Variants in NR3C2 observed in about 807,000 individuals in gnomAD.
NR3C2 encodes the protein nuclear receptor subfamily 3 group C member 2.
Under a neutral mutation model 86.4 loss-of-function variants are expected in NR3C2, and 15 were observed. The ratio of observed to expected loss-of-function variants is 0.17; its 90% confidence interval spans 0.12 to 0.27. The LOEUF (loss-of-function observed/expected upper bound fraction) is 0.27, where lower values mean the gene tolerates loss of function less well. NR3C2 is among the 10% of genes least tolerant of loss of function. NR3C2 has a pLI of 1.00. For synonymous variants in NR3C2, 458 were observed against 450.5 expected (o/e 1.02, Z -0.21); for missense variants, 960 against 1,195.6 (o/e 0.80, Z 2.91).
chr4:148,217,922 T>A (rs1003422380), intron 3 of NR3C2, among the ~76,000 whole-genome samples: 2 of 152,232 alleles, frequency 1.3e-5, no homozygotes, highest in African/African-American at 4.8e-5. Context: ...AACAGTGGTA[T>A]CTTTGAACAT....
chr4:148,443,899 C>T, upstream of NR3C2: 1 of 706,666 alleles, frequency 1.4e-6, no homozygotes, highest in Non-Finnish European at 1.7e-6. Flanking sequence ...TCAGCCGCTC[C>T]AGTCAGGAAC....
chr4:148,350,996 T>C (rs887356950), intron 2 of NR3C2, among the ~76,000 whole-genome samples: 8 of 152,190 alleles, frequency 5.3e-5, no homozygotes, highest in Non-Finnish European at 7.3e-5. Flanking sequence ...TTTGAACATA[T>C]AGGTGTTCAA....
intron 2 of NR3C2, among the ~76,000 whole-genome samples, chr4:148,370,128 C>T (rs1746344078): frequency 2.6e-5 from 4 of 152,158 alleles, no homozygotes; most frequent in Admixed American, 2.6e-4. Context: ...AGGTGCAAGA[C>T]AACTGGCCAG....
chr4:148,175,655 C>G (rs1299475056), intron 4 of NR3C2, among the ~76,000 whole-genome samples: 1 of 152,044 alleles, frequency 6.6e-6, no homozygotes, highest in African/African-American at 2.4e-5. Context: ...GAAAATGTTT[C>G]CAACATGTCT....
intron 2 of NR3C2, among the ~76,000 whole-genome samples, chr4:148,321,751 T>G (rs1002049691): frequency 1.3e-5 from 2 of 152,204 alleles, no homozygotes; most frequent in African/African-American, 4.8e-5. Flanking sequence ...CTCCATCCTT[T>G]TATTTTGAGC....
chr4:148,207,495 CT>C (rs1304612917), intron 3 of NR3C2, among the ~76,000 whole-genome samples: 1 of 152,158 alleles, frequency 6.6e-6, no homozygotes, highest in Middle Eastern at 3.2e-3. Flanking sequence ...CTCTTTCTAT[CT>C]AAAAAATAGC....
At chr4:148,201,442 A>T (rs1736715655) in intron 3 of NR3C2, among the ~76,000 whole-genome samples, 2 of 152,158 alleles carry the variant, frequency 1.3e-5, no homozygotes, top group African/African-American at 4.8e-5. Context: ...ATTGCCATGT[A>T]TTGTTCCTAT....
intron 2 of NR3C2, among the ~76,000 whole-genome samples, chr4:148,311,556 A>C (rs1742900147): frequency 6.6e-6 from 1 of 152,230 alleles, no homozygotes; most frequent in Admixed American, 6.5e-5. Flanking sequence ...TCACCAAGTG[A>C]ATTACTGCCA....
Position 148,217,624 on chromosome 4 carries a change from T to C in NR3C2, c.1898-22762A>G, listed in dbSNP as rs3846308. Among the ~76,000 whole-genome samples the C allele has an allele frequency of 1.4e-3, 212 of 152,372 alleles. 1 individual carries two copies. Among genetic ancestry groups the C allele is most frequent in the African/African-American group, 4.7e-3 (196 of 41,580 alleles). On this transcript the variant is annotated intron_variant, in intron 3 of 8. Transcript: ENST00000358102. The stretch of plus-strand genomic sequence containing the variant: ...TTTTCTTTTTGCTGACCTATGCTGG[T>C]TTGCCCCTGCTGTCTTTTGACCCCA...
At chr4:148,149,660 T>A (rs745840638) in intron 6 of NR3C2, among the ~76,000 whole-genome samples, 11 of 152,210 alleles carry the variant, frequency 7.2e-5, no homozygotes, top group Non-Finnish European at 1.2e-4. Context: ...ATGTATCTGA[T>A]AAGGGTTTAA....
At chr4:148,365,541 T>C (rs1327197837) in intron 2 of NR3C2, among the ~76,000 whole-genome samples, 1 of 152,136 alleles carries the variant, frequency 6.6e-6, no homozygotes. Flanking sequence ...CATAACTAGA[T>C]TACTGAGAAA....
chr4:148,435,832 G>A lies in NR3C2; in HGVS notation c.1029C>T (p.Tyr343=). Residue 343 remains tyrosine, a synonymous_variant, in exon 2 of 9, where the codon TAC becomes TAT. Coordinates refer to ENST00000358102, the MANE Select transcript of NR3C2 (RefSeq NM_000901.5). ...ATCCAGCAGAGGTGCCAGAAGCAGTGTAGCTGAAGGCATTGTTTACAGGGC... is the reference window on the plus strand; with the variant it reads ...ATCCAGCAGAGGTGCCAGAAGCAGTATAGCTGAAGGCATTGTTTACAGGGC... ...ICSPVNNAFS[Y]TASGTSAGSS... 1.2e-6 allele frequency: 2 copies of A among 1,614,236 alleles called. No individual in the cohort carries two copies. The highest frequency in any genetic ancestry group is 8.5e-7 in the Non-Finnish European group (1 of 1,180,046).
intron 2 of NR3C2, among the ~76,000 whole-genome samples, chr4:148,262,119 C>T (rs1377922034): frequency 6.6e-6 from 1 of 152,152 alleles, no homozygotes; most frequent in Non-Finnish European, 1.5e-5. Flanking sequence ...TTACACTTCA[C>T]AAGAAAATGC....
At chr4:148,406,482 C>T (rs916829197) in intron 2 of NR3C2, among the ~76,000 whole-genome samples, 21 of 151,912 alleles carry the variant, frequency 1.4e-4, no homozygotes, top group African/African-American at 5.1e-4. Flanking sequence ...GATAATTACC[C>T]CAGGCAGAGA....
At chr4:148,293,628 T>A (rs796121362) in intron 2 of NR3C2, among the ~76,000 whole-genome samples, 3 of 152,334 alleles carry the variant, frequency 2.0e-5, no homozygotes, top group East Asian at 3.9e-4. Context: ...GAGACATTTG[T>A]ATTCCATGTG....
intron 2 of NR3C2, among the ~76,000 whole-genome samples, chr4:148,414,917 G>A (rs1280067991): frequency 6.6e-6 from 1 of 152,140 alleles, no homozygotes; most frequent in African/African-American, 2.4e-5. Context: ...TACAAACCAT[G>A]AAGTTATTAA....
At chr4:148,168,758 C>T (rs541078098) in intron 4 of NR3C2, among the ~76,000 whole-genome samples, 1 of 152,212 alleles carries the variant, frequency 6.6e-6, no homozygotes, top group Admixed American at 6.5e-5. Flanking sequence ...AAAATAGTTT[C>T]TTCAGAATTA....
chr4:148,337,410 T>C (rs2149976776), intron 2 of NR3C2, among the ~76,000 whole-genome samples: 1 of 152,370 alleles, frequency 6.6e-6, no homozygotes, highest in Admixed American at 6.5e-5. Context: ...TCTGATTATT[T>C]TATTATTCCT....
chr4:148,186,986 G>GTGTA (rs761558463), intron 4 of NR3C2, among the ~76,000 whole-genome samples: 24 of 101,318 alleles, frequency 2.4e-4, no homozygotes, highest in East Asian at 1.2e-3. Context: ...ATACTGATGT[G>GTGTA]TGTATGTATG....
Sources: allele counts gnomAD v4.1 joint callset (sites outside exome capture counted in the v4.1 genomes callset), GRCh38; gene constraint gnomAD v4.1.1; transcripts MANE v1.5; gene names NCBI Gene and HGNC (gene_info 2026-07-23, HGNC 2026-07-21).